Variants in TAFA4 observed in about 807,000 individuals in gnomAD.
TAFA4 encodes chemokine-like protein TAFA-4.
Under a neutral mutation model 21.1 loss-of-function variants are expected in TAFA4, and 20 were observed. That is an observed-to-expected ratio of 0.95 (90% CI 0.67 to 1.38). The LOEUF (loss-of-function observed/expected upper bound fraction) is 1.38, where lower values mean the gene tolerates loss of function less well. TAFA4 is among the 40% of genes most tolerant of loss of function. TAFA4 has a pLI of 0.00. For missense variants in TAFA4, 211 were observed against 180.9 expected (o/e 1.17, Z -0.95); for synonymous variants, 71 against 67.4 (o/e 1.05, Z -0.26).
chr3:68,870,567 ATTT>A (rs935399137), intron 3 of TAFA4, among the ~76,000 whole-genome samples: 5 of 151,978 alleles, frequency 3.3e-5, no homozygotes, highest in Non-Finnish European at 7.4e-5. Context: ...CAGCCAACTC[ATTT>A]TTTTAATTTT....
At chr3:68,740,660 A>G (rs902251571) in intron 4 of TAFA4, among the ~76,000 whole-genome samples, 1 of 152,088 alleles carries the variant, frequency 6.6e-6, no homozygotes, top group Non-Finnish European at 1.5e-5. Context: ...CATTTGATGT[A>G]GTCCCAATTG....
intron 1 of TAFA4, among the ~76,000 whole-genome samples, chr3:68,896,853 T>C (rs2089795147): frequency 6.6e-6 from 1 of 152,218 alleles, no homozygotes; most frequent in Non-Finnish European, 1.5e-5. Flanking sequence ...GTTTCAACAA[T>C]ACTCATTTTT....
intron 3 of TAFA4, among the ~76,000 whole-genome samples, chr3:68,838,521 A>C (rs1704576583): frequency 6.6e-6 from 1 of 152,156 alleles, no homozygotes; most frequent in Admixed American, 6.5e-5. Context: ...TTTCGTGAGA[A>C]CCTGCTCAAC....
intron 3 of TAFA4, among the ~76,000 whole-genome samples, chr3:68,767,380 G>A (rs1289923443): frequency 6.6e-6 from 1 of 151,818 alleles, no homozygotes; most frequent in African/African-American, 2.4e-5. Flanking sequence ...AAGCCAGAAT[G>A]GAAATGATCT....
intron 4 of TAFA4, among the ~76,000 whole-genome samples, chr3:68,747,669 C>CTGAT (rs1702484681): frequency 6.6e-6 from 1 of 152,168 alleles, no homozygotes; most frequent in South Asian, 2.1e-4. Context: ...CAAATCCTGA[C>CTGAT]TGATTGTGAG....
chr3:68,811,804 A>G (rs963421849), intron 3 of TAFA4, among the ~76,000 whole-genome samples: 3 of 152,186 alleles, frequency 2.0e-5, no homozygotes, highest in Non-Finnish European at 4.4e-5. Context: ...CCAACATTCA[A>G]ATTCAGGAAA....
chr3:68,781,508 A>G (rs1270314589), intron 3 of TAFA4, among the ~76,000 whole-genome samples: 3 of 152,104 alleles, frequency 2.0e-5, no homozygotes, highest in Non-Finnish European at 2.9e-5. Flanking sequence ...CTTCGTGCCA[A>G]TAAGTTTGAT....
At chr3:68,756,325 C>T (rs1299001731) in intron 3 of TAFA4, among the ~76,000 whole-genome samples, 1 of 152,138 alleles carries the variant, frequency 6.6e-6, no homozygotes, top group Non-Finnish European at 1.5e-5. Context: ...TTCAAGTACC[C>T]TCAAGTGTGT....
At chr3:68,869,717 CA>C (rs1428520541) in intron 3 of TAFA4, among the ~76,000 whole-genome samples, 1 of 151,758 alleles carries the variant, frequency 6.6e-6, no homozygotes, top group Non-Finnish European at 1.5e-5. Context: ...CACCTCAAAA[CA>C]AAAATGGCCA....
intron 3 of TAFA4, among the ~76,000 whole-genome samples, chr3:68,815,993 G>T (rs1203141437): frequency 6.6e-6 from 1 of 152,126 alleles, no homozygotes; most frequent in Non-Finnish European, 1.5e-5. Context: ...CCATAAAAAA[G>T]GATGCGTTCA....
chr3:68,805,291 A>G (rs551388090), intron 3 of TAFA4, among the ~76,000 whole-genome samples: 1 of 152,236 alleles, frequency 6.6e-6, no homozygotes, highest in Admixed American at 6.5e-5. Context: ...GATCATTAAA[A>G]AGTCAGGAAA....
intron 3 of TAFA4, among the ~76,000 whole-genome samples, chr3:68,785,827 G>A (rs57640416): frequency 0.21 from 32,113 of 152,242 alleles, 4,190 homozygotes; most frequent in East Asian, 0.6. Context: ...CTGCCAGCAC[G>A]CTGTAACCTC....
rs78169175 is a variant in TAFA4, at chr3:68,776,620, C to T, written c.131-23602G>A. ...AAATAACTAGACAATATTAACACCA[C>T]CACCATCAATCACAGCAGAACTGTC... On this transcript the variant is annotated intron_variant, in intron 3 of 5. Coordinates refer to ENST00000295569, the MANE Select transcript of TAFA4 (RefSeq NM_182522.5). 3.8e-3 allele frequency among the ~76,000 whole-genome samples: 580 copies of T among 152,302 alleles called. 4 individuals are homozygous for T. The highest frequency in any genetic ancestry group is 0.014 in the African/African-American group (565 of 41,574).
rs1575604959 is a variant in TAFA4 at position 68,778,773 on chromosome 3, G to T, written c.131-25755C>A. On this transcript the variant is annotated intron_variant, in intron 3 of 5. Transcript: ENST00000295569. The stretch of plus-strand genomic sequence containing the variant: ...ATTGAACCTCTTTCTTTTATAAATT[G>T]CCCAGTCTCAGGTATATCTTTAGCA... 3.3e-5 allele frequency among the ~76,000 whole-genome samples: 5 copies of T among 152,140 alleles called. No individual in the cohort carries two copies. The South Asian group carries it at 1.0e-3, about 32-fold the overall frequency.
intron 1 of TAFA4, among the ~76,000 whole-genome samples, chr3:68,898,792 G>T (rs561366492): frequency 1.3e-5 from 2 of 152,150 alleles, no homozygotes; most frequent in Non-Finnish European, 2.9e-5. Flanking sequence ...TGTTTAACAG[G>T]AGAGAAAATA....
chr3:68,733,289 A>C, intron 5 of TAFA4, 136 bp from the exon 6 acceptor site: 1 of 1,108,942 alleles, frequency 9.0e-7, no homozygotes. Flanking sequence ...GACCTCACCA[A>C]ATCAACAGTT....
At chr3:68,921,786 G>A (rs1559564195) in intron 1 of TAFA4, among the ~76,000 whole-genome samples, 1 of 152,222 alleles carries the variant, frequency 6.6e-6, no homozygotes, top group East Asian at 1.9e-4. Context: ...TTGAAGCCTT[G>A]TTTTTTCCTA....
chr3:68,743,770 C>T (rs1230930195), intron 4 of TAFA4, among the ~76,000 whole-genome samples: 1 of 152,012 alleles, frequency 6.6e-6, no homozygotes, highest in African/African-American at 2.4e-5. Context: ...CCAGAGCTTC[C>T]CTCAGAGTTA....
chr3:68,883,239 T>C (rs2089636726), intron 2 of TAFA4: 1 of 152,340 alleles, frequency 6.6e-6, no homozygotes, highest in Non-Finnish European at 1.5e-5. Flanking sequence ...AGCCATTTTC[T>C]TGGGACTCTC....
Sources: gnomAD v4.1 joint callset for allele counts (sites outside exome capture counted in the v4.1 genomes callset) on GRCh38, gnomAD v4.1.1 for gene constraint, MANE v1.5 for transcripts, NCBI Gene and HGNC (gene_info 2026-07-23, HGNC 2026-07-21) for gene names.